The following PLEKHA6 variants were observed in gnomAD, a reference collection of about 807,000 sequenced individuals.
PLEKHA6 encodes pleckstrin homology domain containing A6, also known as pleckstrin homology domain-containing family A member 6.
In PLEKHA6, 60 loss-of-function variants were observed where a neutral mutation model predicts 116.7. The observed-to-expected ratio is 0.51, with a 90% CI of 0.42 to 0.64. PLEKHA6 has a LOEUF of 0.64. Ranked by LOEUF, PLEKHA6 falls within the 30% of genes least tolerant of loss-of-function variation. The pLI, the probability that PLEKHA6 is intolerant of heterozygous loss-of-function variation, is 0.00. For missense variants in PLEKHA6, 1,338 were observed against 1,422.7 expected, an observed-to-expected ratio of 0.94 and a Z score of 0.96; for synonymous variants, 489 against 556.1, an observed-to-expected ratio of 0.88 and a Z score of 1.70.
In PLEKHA6 at chr1:204,301,243, T is replaced by C. The variant is rs746867925; in HGVS notation, c.-94-26434A>G. On this transcript the variant is annotated intron_variant, in intron 1 of 22. Transcript: ENST00000272203. ...AGTTTCAGCAGAGTCACCAGAGTTA[T>C]TTAAGCTAAAGATGCTGACAGCGAG... The C allele has an allele frequency of 7.0e-5, 69 of 984,646 alleles. 1 individual carries two copies. The highest frequency in any genetic ancestry group is 7.5e-5 in the Non-Finnish European group (62 of 829,312). 61.0% of individuals were successfully genotyped at this position (984,646 alleles called of 1,614,324 possible).
At chr1:204,345,431 GCCCCACTC>G (rs1486764404) in intron 1 of PLEKHA6, among the ~76,000 whole-genome samples, 1 of 151,932 alleles carries the variant, frequency 6.6e-6, no homozygotes, top group Non-Finnish European at 1.5e-5. Context: ...CAGCCCCCTG[GCCCCACTC>G]CCTTCGAGGT....
chr1:204,348,110 C>T (rs565142756), intron 1 of PLEKHA6, among the ~76,000 whole-genome samples: 2 of 152,238 alleles, frequency 1.3e-5, no homozygotes, highest in East Asian at 3.9e-4. Context: ...CACCAAGAGC[C>T]GTAAATAACA....
At chr1:204,323,212 G>A (rs918911313) in intron 1 of PLEKHA6, among the ~76,000 whole-genome samples, 1 of 152,236 alleles carries the variant, frequency 6.6e-6, no homozygotes, top group Non-Finnish European at 1.5e-5. Context: ...AGCCTTGCCT[G>A]GGGGAGGCCC....
chr1:204,257,333 A>T lies in PLEKHA6; in HGVS notation c.1524+20T>A. On this transcript the variant is annotated intron_variant, in intron 9 of 22. Transcript: ENST00000272203. The surrounding 1 kb of genome is among the most constrained non-coding windows in gnomAD (Gnocchi z 6.5). ...GGGGACCTCAGGGGATGAGGAAGGAAGGGCAGGCTGGTGGCTCACCTTGGG... is the reference window on the plus strand; with the variant it reads ...GGGGACCTCAGGGGATGAGGAAGGATGGGCAGGCTGGTGGCTCACCTTGGG... 3 of 1,555,750 alleles carry T rather than the reference A, an allele frequency of 1.9e-6. No individual in the cohort carries two copies. The highest frequency in any genetic ancestry group is 2.6e-6 in the Non-Finnish European group (3 of 1,149,004).
chr1:204,233,160 A>ATTCT (rs1222357482), intron 17 of PLEKHA6, among the ~76,000 whole-genome samples: 2 of 144,812 alleles, frequency 1.4e-5, no homozygotes, highest in African/African-American at 2.6e-5. Context: ...AGATTAATTT[A>ATTCT]TTCTTTCTTT....
At chr1:204,335,378 G>A (rs889182750) in intron 1 of PLEKHA6, among the ~76,000 whole-genome samples, 1 of 152,010 alleles carries the variant, frequency 6.6e-6, no homozygotes, top group Non-Finnish European at 1.5e-5. Flanking sequence ...GGCTCCCTTG[G>A]ACCAAGTCCC....
intron 9 of PLEKHA6, chr1:204,251,472 C>T (rs756449400): frequency 1.6e-5 from 11 of 692,896 alleles, no homozygotes; most frequent in Non-Finnish European, 2.4e-5. Context: ...GCAACTCGAC[C>T]ATGCACAAGC....
At chr1:204,235,010 A>C (rs868039595) in intron 17 of PLEKHA6, among the ~76,000 whole-genome samples, 1,326 of 18,688 alleles carry the variant, frequency 0.071, 78 homozygotes, top group Non-Finnish European at 0.097. Flanking sequence ...ATATATATAT[A>C]TATCTAATAG....
rs1352537214 is a variant in PLEKHA6, at chr1:204,267,462, G to A, written c.280+13C>T. 2 of 1,611,770 alleles carry A rather than the reference G, an allele frequency of 1.2e-6. No homozygotes were observed. The highest frequency in any genetic ancestry group is 1.3e-5 in the African/African-American group (1 of 74,844). Reference sequence around the variant, plus strand: ...CTTCCTGCCATCCCTGCCAGTCCAAGGGCCAAGCTCACCTTTATAGTAGAA... The same window carrying A: ...CTTCCTGCCATCCCTGCCAGTCCAAAGGCCAAGCTCACCTTTATAGTAGAA... On this transcript the variant is annotated intron_variant, in intron 5 of 22. Coordinates refer to ENST00000272203, the MANE Select transcript of PLEKHA6 (RefSeq NM_014935.5).
intron 1 of PLEKHA6, among the ~76,000 whole-genome samples, chr1:204,333,491 T>A (rs1672533367): frequency 6.6e-6 from 1 of 152,244 alleles, no homozygotes; most frequent in South Asian, 2.1e-4. Context: ...ACACATTGAC[T>A]ATTTTTCATT....
At chr1:204,292,548 A>ACCCTGGCTGATGCCTACCTGTGTCCCTCG (rs1669879111) in intron 1 of PLEKHA6, among the ~76,000 whole-genome samples, 1 of 150,004 alleles carries the variant, frequency 6.7e-6, no homozygotes, top group African/African-American at 2.5e-5. Context: ...TATGTCCCTC[A>ACCCTGGCTGATGCCTACCTGTGTCCCTCG]CCCTGGCTGA....
chr1:204,261,283 AC>A lies in PLEKHA6; in HGVS notation c.524+22del. On this transcript the variant is annotated intron_variant, in intron 7 of 22. Coordinates refer to ENST00000272203, the MANE Select transcript of PLEKHA6 (RefSeq NM_014935.5). This position sits in a 1 kb window ranked among gnomAD's most constrained non-coding sequence, Gnocchi z 4.0. ...CCCTCTTTATTCTTCCTGCACCCCC[AC>A]ACTCAATTCCCTGGCACTCACCTGT... The A allele has an allele frequency of 1.9e-6, 3 of 1,613,698 alleles. No individual in the cohort carries two copies. Among genetic ancestry groups the A allele is most frequent in the Non-Finnish European group, 2.5e-6 (3 of 1,179,752 alleles).
chr1:204,339,391 T>C (rs970513450), intron 1 of PLEKHA6, among the ~76,000 whole-genome samples: 1 of 152,300 alleles, frequency 6.6e-6, no homozygotes. Flanking sequence ...CGGCAATACA[T>C]AACCGGAACA....
At chr1:204,323,675 T>C (rs1672144377) in intron 1 of PLEKHA6, among the ~76,000 whole-genome samples, 2 of 152,234 alleles carry the variant, frequency 1.3e-5, no homozygotes, top group South Asian at 4.1e-4. Flanking sequence ...TATGTGTTTG[T>C]CAAATGAATA....
intron 1 of PLEKHA6, among the ~76,000 whole-genome samples, chr1:204,339,656 G>A (rs1157623630): frequency 6.6e-6 from 1 of 152,174 alleles, no homozygotes; most frequent in African/African-American, 2.4e-5. Flanking sequence ...ATCAGTACAT[G>A]TAAAGACATT....
chr1:204,341,530 G>A (rs1225277750), intron 1 of PLEKHA6, among the ~76,000 whole-genome samples: 1 of 152,202 alleles, frequency 6.6e-6, no homozygotes, highest in African/African-American at 2.4e-5. Flanking sequence ...TGGAGCTCTG[G>A]AAGTCAACAT....
intron 1 of PLEKHA6, among the ~76,000 whole-genome samples, chr1:204,288,443 C>T (rs1051884009): frequency 6.6e-6 from 1 of 152,234 alleles, no homozygotes; most frequent in Non-Finnish European, 1.5e-5. Flanking sequence ...ACACTTGCAA[C>T]CTGAGGCGTT....
chr1:204,291,796 A>G (rs970830196), intron 1 of PLEKHA6, among the ~76,000 whole-genome samples: 1 of 152,216 alleles, frequency 6.6e-6, no homozygotes, highest in African/African-American at 2.4e-5. Flanking sequence ...GGGATTACAA[A>G]GAGGCAGGAA....
intron 2 of PLEKHA6, among the ~76,000 whole-genome samples, chr1:204,370,897 T>G (rs1382769554): frequency 6.6e-6 from 1 of 151,882 alleles, no homozygotes; most frequent in Non-Finnish European, 1.5e-5. Flanking sequence ...CTACTAACAA[T>G]ACAAAAATTA....
Sources: allele counts gnomAD v4.1 joint callset (sites outside exome capture counted in the v4.1 genomes callset), GRCh38; gene constraint gnomAD v4.1.1; non-coding constraint Gnocchi (gnomAD v3.1); transcripts MANE v1.5; gene names NCBI Gene and HGNC (gene_info 2026-07-23, HGNC 2026-07-21).